ZNF804A: variants seen among roughly 807,000 people sequenced by gnomAD.
ZNF804A encodes the protein zinc finger protein 804A.
A neutral mutation model predicts 16.5 loss-of-function variants in ZNF804A; 2 were observed. That is an observed-to-expected ratio of 0.12 (90% confidence interval 0.05 to 0.38). ZNF804A has a LOEUF of 0.38. ZNF804A is among the 10% of genes least tolerant of loss of function. ZNF804A has a pLI of 0.99. For synonymous variants in ZNF804A, 534 were observed against 489.6 expected, an observed-to-expected ratio of 1.09 and a Z score of -1.20; for missense variants, 1,473 against 1,390.7, an observed-to-expected ratio of 1.06 and a Z score of -0.94.
At chr2:184,849,591 T>C (rs1695571937) in intron 1 of ZNF804A, among the ~76,000 whole-genome samples, 1 of 151,910 alleles carries the variant, frequency 6.6e-6, no homozygotes. Flanking sequence ...ATAATGAATA[T>C]TGGCAAGGAT....
At chr2:184,605,524 G>A (rs1691131242) in intron 1 of ZNF804A, among the ~76,000 whole-genome samples, 2 of 151,982 alleles carry the variant, frequency 1.3e-5, no homozygotes, top group African/African-American at 4.8e-5. Flanking sequence ...AAGAAAAAAA[G>A]CACATTGTAT....
intron 1 of ZNF804A, among the ~76,000 whole-genome samples, chr2:184,791,571 T>C (rs1048298398): frequency 2.6e-5 from 4 of 152,090 alleles, no homozygotes; most frequent in African/African-American, 9.7e-5. Flanking sequence ...CACAGCAAAA[T>C]TGAAAGTACA....
intron 1 of ZNF804A, among the ~76,000 whole-genome samples, chr2:184,805,962 G>C (rs1458405111): frequency 1.3e-5 from 2 of 151,944 alleles, no homozygotes; most frequent in Non-Finnish European, 2.9e-5. Flanking sequence ...CTACAATTCT[G>C]TAGAGGATCA....
At chr2:184,797,970 C>T (rs1236483926) in intron 1 of ZNF804A, among the ~76,000 whole-genome samples, 2 of 146,500 alleles carry the variant, frequency 1.4e-5, no homozygotes, top group Non-Finnish European at 3.0e-5. Flanking sequence ...ATATATAATG[C>T]TTAGTTTCAG....
chr2:184,752,210 C>T (rs111763281), intron 1 of ZNF804A, among the ~76,000 whole-genome samples: 6 of 151,636 alleles, frequency 4.0e-5, no homozygotes, highest in South Asian at 4.1e-4. Context: ...TTCACAATAG[C>T]GAAGTCATGG....
chr2:184,748,447 T>G (rs1345427394), intron 1 of ZNF804A, among the ~76,000 whole-genome samples: 1 of 151,580 alleles, frequency 6.6e-6, no homozygotes, highest in African/African-American at 2.4e-5. Flanking sequence ...TGTCTGTTCA[T>G]GTCTTCTACC....
intron 1 of ZNF804A, among the ~76,000 whole-genome samples, chr2:184,612,346 G>A (rs1691250981): frequency 6.6e-6 from 1 of 151,830 alleles, no homozygotes; most frequent in Non-Finnish European, 1.5e-5. Flanking sequence ...TATTTCTAGG[G>A]AAATAGTACA....
At chr2:184,935,348 T>C (rs992691964) in intron 3 of ZNF804A, among the ~76,000 whole-genome samples, 4 of 152,182 alleles carry the variant, frequency 2.6e-5, no homozygotes, top group Non-Finnish European at 5.9e-5. Context: ...TTCCCAGCTT[T>C]TCTGCAGTCA....
At chr2:184,843,044 G>T (rs2105800614) in intron 1 of ZNF804A, among the ~76,000 whole-genome samples, 1 of 152,182 alleles carries the variant, frequency 6.6e-6, no homozygotes, top group South Asian at 2.1e-4. Context: ...CAGAATAGCA[G>T]ATGCTCTTGG....
At chr2:184,702,829 T>G (rs900188600) in intron 1 of ZNF804A, among the ~76,000 whole-genome samples, 9 of 152,182 alleles carry the variant, frequency 5.9e-5, no homozygotes, top group Admixed American at 2.0e-4. Flanking sequence ...GTATGTTATG[T>G]GTATATGTTA....
intron 2 of ZNF804A, among the ~76,000 whole-genome samples, chr2:184,897,781 A>C (rs1440693070): frequency 1.3e-5 from 2 of 151,734 alleles, no homozygotes; most frequent in African/African-American, 4.8e-5. Context: ...CCTTTAACAC[A>C]CCCCCATACT....
intron 1 of ZNF804A, among the ~76,000 whole-genome samples, chr2:184,688,868 A>C (rs1365290970): frequency 3.3e-5 from 5 of 152,214 alleles, no homozygotes; most frequent in Admixed American, 3.3e-4. Flanking sequence ...GTTAAGAGAA[A>C]TGAATTATAG....
chr2:184,918,119 G>T (rs961795613), intron 2 of ZNF804A, among the ~76,000 whole-genome samples: 6 of 152,094 alleles, frequency 3.9e-5, no homozygotes, highest in Non-Finnish European at 5.9e-5. Context: ...CTGTATTCCA[G>T]ATATGATCTT....
intron 1 of ZNF804A, among the ~76,000 whole-genome samples, chr2:184,764,635 C>A (rs190087800): frequency 1.3e-5 from 2 of 152,192 alleles, no homozygotes; most frequent in Non-Finnish European, 2.9e-5. Context: ...TACAAAACAA[C>A]AATTTATACA....
chr2:184,870,136 G>A (rs1473951937), intron 2 of ZNF804A, among the ~76,000 whole-genome samples: 1 of 151,792 alleles, frequency 6.6e-6, no homozygotes, highest in African/African-American at 2.4e-5. Context: ...AATTAATGCT[G>A]CTATATAAAT....
At chr2:184,820,656 A>G (rs1024708766) in intron 1 of ZNF804A, among the ~76,000 whole-genome samples, 4 of 152,082 alleles carry the variant, frequency 2.6e-5, no homozygotes, top group African/African-American at 9.7e-5. Flanking sequence ...ATGATCCTAT[A>G]TATAGAAAAT....
intron 1 of ZNF804A, among the ~76,000 whole-genome samples, chr2:184,747,970 C>T (rs1693818426): frequency 6.6e-6 from 1 of 151,388 alleles, no homozygotes; most frequent in Non-Finnish European, 1.5e-5. Flanking sequence ...CATGTTACTG[C>T]AAAGGACATA....
At chr2:184,859,788 C>A (rs904975623) in intron 1 of ZNF804A, among the ~76,000 whole-genome samples, 1 of 152,212 alleles carries the variant, frequency 6.6e-6, no homozygotes. Flanking sequence ...GGCCACCTGG[C>A]ATGATTCAAC....
At chr2:184,821,535 A>C (rs1464568064) in intron 1 of ZNF804A, among the ~76,000 whole-genome samples, 3 of 152,146 alleles carry the variant, frequency 2.0e-5, no homozygotes, top group Non-Finnish European at 4.4e-5. Flanking sequence ...CACAAAAGCA[A>C]TGGCAACAAA....
Sources: gnomAD v4.1 joint callset for allele counts (sites outside exome capture counted in the v4.1 genomes callset) on GRCh38, gnomAD v4.1.1 for gene constraint, MANE v1.5 for transcripts, NCBI Gene and HGNC (gene_info 2026-07-23, HGNC 2026-07-21) for gene names.